Variants in ANGPT2 observed in about 807,000 individuals in gnomAD.
ANGPT2 encodes the protein angiopoietin-2.
ANGPT2 carries 28 observed loss-of-function variants against 62.9 expected under a neutral mutation model. The ratio of observed to expected loss-of-function variants is 0.44; its 90% CI spans 0.33 to 0.61. ANGPT2 has a LOEUF of 0.61. ANGPT2 is among the 20% of genes least tolerant of loss of function. The pLI is 0.03. For missense variants in ANGPT2, 727 were observed against 594.9 expected (o/e 1.22, Z -2.31); for synonymous variants, 284 against 207.8 (o/e 1.37, Z -3.15).
In ANGPT2 at chr8:6,525,350, C is replaced by T. The variant is rs1382211450; in HGVS notation, c.566+2205G>A. ...GTTCAAGCGATCCACCTGCCTCAGCCATCCAAATAGGAGGGATTACAGGTG... is the reference window on the plus strand; with the variant it reads ...GTTCAAGCGATCCACCTGCCTCAGCTATCCAAATAGGAGGGATTACAGGTG... On this transcript the variant is annotated intron_variant, in intron 3 of 8. Transcript: ENST00000629816. 2.6e-5 allele frequency among the ~76,000 whole-genome samples: 4 copies of T among 152,272 alleles called. No individual in the cohort carries two copies. The East Asian group carries it at 5.8e-4, about 22-fold the overall frequency.
chr8:6,503,431 A>T (rs762902387), intron 8 of ANGPT2, among the ~76,000 whole-genome samples, 170 bp from the exon 9 acceptor site: 14 of 152,326 alleles, frequency 9.2e-5, no homozygotes, highest in Non-Finnish European at 1.6e-4. Flanking sequence ...TTTTCCAGCC[A>T]TACACCCATG....
chr8:6,558,252 CTCCA>C (rs1160682887), intron 1 of ANGPT2, among the ~76,000 whole-genome samples: 3 of 152,202 alleles, frequency 2.0e-5, no homozygotes, highest in African/African-American at 7.2e-5. Context: ...GAGTGCTAAT[CTCCA>C]AGAAAGGGAT....
At chr8:6,506,876 A>C (rs1813831494) in intron 8 of ANGPT2, among the ~76,000 whole-genome samples, 1 of 151,902 alleles carries the variant, frequency 6.6e-6, no homozygotes, top group African/African-American at 2.4e-5. Flanking sequence ...TTTCATTACT[A>C]AATCCTCCTT....
At chr8:6,510,629 T>G (rs1378710244) in intron 7 of ANGPT2, among the ~76,000 whole-genome samples, 1 of 152,176 alleles carries the variant, frequency 6.6e-6, no homozygotes, top group African/African-American at 2.4e-5. Flanking sequence ...TTCAGAGATA[T>G]AAACTTGTCC....
chr8:6,539,155 G>T (rs768328456), intron 1 of ANGPT2, among the ~76,000 whole-genome samples: 2 of 152,230 alleles, frequency 1.3e-5, no homozygotes, highest in Non-Finnish European at 2.9e-5. Context: ...ATTTTGGGCA[G>T]CACTTTGTCC....
chr8:6,544,481 G>T (rs185721717), intron 1 of ANGPT2, among the ~76,000 whole-genome samples: 6 of 152,270 alleles, frequency 3.9e-5, no homozygotes, highest in Admixed American at 6.5e-5. Flanking sequence ...CAAAATATAT[G>T]TTACGTCAAA....
intron 1 of ANGPT2, among the ~76,000 whole-genome samples, chr8:6,547,220 T>C (rs2442593): frequency 0.99 from 151,241 of 152,122 alleles, 75,189 homozygotes; most frequent in Middle Eastern, 1. Flanking sequence ...TACAGAAAAG[T>C]CAAATTTACT....
intron 8 of ANGPT2, among the ~76,000 whole-genome samples, chr8:6,504,237 G>T: frequency 6.9e-6 from 1 of 144,644 alleles, no homozygotes; most frequent in Middle Eastern, 3.5e-3. Context: ...AGAATGGCGT[G>T]AACCCGGGAG....
At chr8:6,548,344 T>C (rs2129574659) in intron 1 of ANGPT2, among the ~76,000 whole-genome samples, 1 of 152,340 alleles carries the variant, frequency 6.6e-6, no homozygotes, top group East Asian at 1.9e-4. Flanking sequence ...GCCACTTAGA[T>C]GCCTTTCATG....
chr8:6,542,345 T>TG (rs1563096228), intron 1 of ANGPT2, among the ~76,000 whole-genome samples: 3 of 151,756 alleles, frequency 2.0e-5, no homozygotes, highest in Non-Finnish European at 2.9e-5. Flanking sequence ...TGTGTGTGTT[T>TG]CAGTTCTCTA....
At chr8:6,556,895 A>C (rs1409452127) in intron 1 of ANGPT2, among the ~76,000 whole-genome samples, 3 of 152,002 alleles carry the variant, frequency 2.0e-5, no homozygotes, top group Admixed American at 2.0e-4. Flanking sequence ...GGCTTTAGGC[A>C]TTTTCTTCCC....
At chr8:6,504,534 G>A (rs1007360054) in intron 8 of ANGPT2, among the ~76,000 whole-genome samples, 2 of 152,030 alleles carry the variant, frequency 1.3e-5, no homozygotes, top group Non-Finnish European at 2.9e-5. Flanking sequence ...TTATGTTCAA[G>A]TAACGCTTAT....
At chr8:6,537,339 G>A (rs571763037) in intron 1 of ANGPT2, among the ~76,000 whole-genome samples, 104 of 152,224 alleles carry the variant, frequency 6.8e-4, no homozygotes, top group Non-Finnish European at 9.6e-4. Flanking sequence ...AGTCGGCAAA[G>A]TGTGGGGCCT....
In ANGPT2 at chr8:6,513,855, A is replaced by G; in HGVS notation, c.1030-11T>C. On this transcript the variant is annotated splice_polypyrimidine_tract_variant and intron_variant, in intron 6 of 8. Transcript: ENST00000629816. ...AGGGTTACCAAATCCCTGTAATGCA[A>G]GTTGTTAAATTCAATTATTTCATGT... 10 of 1,594,608 alleles carry G rather than the reference A, an allele frequency of 6.3e-6. No individual in the cohort carries two copies. Among genetic ancestry groups the G allele is most frequent in the Non-Finnish European group, 7.7e-6 (9 of 1,172,062 alleles).
chr8:6,537,007 GCCATCCT>G (rs1449037510), intron 1 of ANGPT2, among the ~76,000 whole-genome samples: 2 of 145,912 alleles, frequency 1.4e-5, no homozygotes, highest in African/African-American at 2.5e-5. Flanking sequence ...CAGTAAATAA[GCCATCCT>G]CCACTGGCAG....
chr8:6,528,442 T>C (rs1290244854), intron 2 of ANGPT2, among the ~76,000 whole-genome samples: 3 of 152,238 alleles, frequency 2.0e-5, no homozygotes, highest in Admixed American at 2.0e-4. Flanking sequence ...TATAAAAATA[T>C]AGATAATTTT....
At chr8:6,526,039 C>G (rs1481761304) in intron 3 of ANGPT2, among the ~76,000 whole-genome samples, 1 of 152,032 alleles carries the variant, frequency 6.6e-6, no homozygotes, top group Non-Finnish European at 1.5e-5. Context: ...CATTGTATAA[C>G]AGGCAAGAGA....
intron 1 of ANGPT2, among the ~76,000 whole-genome samples, chr8:6,540,276 A>G (rs867293968): frequency 3.3e-5 from 5 of 152,312 alleles, no homozygotes; most frequent in African/African-American, 4.8e-5. Context: ...CCAAAATTTG[A>G]TAAGGAAATG....
intron 1 of ANGPT2, among the ~76,000 whole-genome samples, chr8:6,548,766 A>G (rs1199552367): frequency 1.3e-5 from 2 of 152,232 alleles, no homozygotes; most frequent in African/African-American, 4.8e-5. Flanking sequence ...GATGCTGGAA[A>G]AAAAGAAGGT....
Sources: allele counts gnomAD v4.1 joint callset (sites outside exome capture counted in the v4.1 genomes callset), GRCh38; gene constraint gnomAD v4.1.1; transcripts MANE v1.5; gene names NCBI Gene and HGNC (gene_info 2026-07-23, HGNC 2026-07-21).